MGAT4C: variants seen among roughly 807,000 people sequenced by gnomAD.
MGAT4C encodes the protein alpha-1,3-mannosyl-glycoprotein 4-beta-N-acetylglucosaminyltransferase C.
Under a neutral mutation model 40.1 loss-of-function variants are expected in MGAT4C, and 19 were observed. The observed-to-expected ratio is 0.47, with a 90% CI of 0.33 to 0.70. The LOEUF (loss-of-function observed/expected upper bound fraction) is 0.70, where lower values mean the gene tolerates loss of function less well. Ranked by LOEUF, MGAT4C falls within the 30% of genes least tolerant of loss-of-function variation. The probability of loss-of-function intolerance (pLI) is 0.02; values close to 1 mark genes in which losing one functional copy is unlikely to be tolerated. For missense variants in MGAT4C, 491 were observed against 563.2 expected (o/e 0.87, Z 1.30); for synonymous variants, 181 against 187.1 (o/e 0.97, Z 0.27).
intron 1 of MGAT4C, among the ~76,000 whole-genome samples, chr12:86,100,305 G>A (rs556918115): frequency 1.7e-4 from 25 of 151,100 alleles, no homozygotes; most frequent in Admixed American, 1.6e-3. Flanking sequence ...TTGTTTGATT[G>A]ACCAAGGAAT....
chr12:86,826,072 C>T lies in MGAT4C; in HGVS notation c.-262+12594G>A, dbSNP rs151083474. On this transcript the variant is annotated intron_variant, in intron 1 of 7. Coordinates refer to the MGAT4C transcript ENST00000548651. ...GTGAGTGTATCCAGGACCCAACAAG[C>T]TCCTCACATTATTACTGCATCTACC... Among the ~76,000 whole-genome samples, 66 of 151,444 alleles carry T rather than the reference C, an allele frequency of 4.4e-4. 1 individual carries two copies. Among genetic ancestry groups the T allele is most frequent in the Admixed American group, 1.3e-3 (20 of 15,120 alleles).
chr12:86,119,755 AGT>A (rs1399318890), intron 1 of MGAT4C, among the ~76,000 whole-genome samples: 5 of 133,456 alleles, frequency 3.7e-5, no homozygotes, highest in Non-Finnish European at 7.9e-5. Context: ...TAGAAATAGG[AGT>A]CTTGCTATAT....
intron 2 of MGAT4C, among the ~76,000 whole-genome samples, chr12:86,449,431 A>G (rs1232957782): frequency 1.3e-5 from 2 of 152,182 alleles, no homozygotes; most frequent in Non-Finnish European, 1.5e-5. Context: ...GGTAAAACAC[A>G]TAAGGTAATG....
chr12:86,483,193 A>T (rs1388095747), intron 2 of MGAT4C, among the ~76,000 whole-genome samples: 3 of 152,200 alleles, frequency 2.0e-5, no homozygotes, highest in African/African-American at 7.2e-5. Context: ...AGTCCTGTTC[A>T]TGAGGGTAGT....
chr12:86,536,273 T>A (rs1959066412), intron 2 of MGAT4C, among the ~76,000 whole-genome samples: 1 of 152,136 alleles, frequency 6.6e-6, no homozygotes. Flanking sequence ...ATTATTTACA[T>A]AATATGAATT....
rs560424285 is a variant in MGAT4C at position 86,782,745 on chromosome 12, T to C, written c.-261-55504A>G. Among the ~76,000 whole-genome samples the C allele has an allele frequency of 2.6e-5, 4 of 151,996 alleles. No individual in the cohort carries two copies. In the South Asian group the frequency reaches 8.3e-4, roughly 32 times the overall value. The stretch of plus-strand genomic sequence containing the variant: ...TTAATCCAGTAGAACTGGTGTCCTT[T>C]AAAAAAAGAAAGAGATACCAATGAT... On this transcript the variant is annotated intron_variant, in intron 1 of 7. Transcript: ENST00000548651.
chr12:86,652,161 T>C (rs1043117717), intron 2 of MGAT4C, among the ~76,000 whole-genome samples: 2 of 151,858 alleles, frequency 1.3e-5, no homozygotes, highest in Admixed American at 1.3e-4. Context: ...CTTGAAATAA[T>C]CATAATCATA....
At chr12:86,642,771 T>G (rs549687047) in intron 2 of MGAT4C, among the ~76,000 whole-genome samples, 1 of 151,678 alleles carries the variant, frequency 6.6e-6, no homozygotes, top group African/African-American at 2.4e-5. Flanking sequence ...TATTTTTATG[T>G]TTTTCATAAA....
At chr12:86,635,741 A>G (rs1261228258) in intron 2 of MGAT4C, among the ~76,000 whole-genome samples, 1 of 151,496 alleles carries the variant, frequency 6.6e-6, no homozygotes, top group African/African-American at 2.4e-5. Context: ...CGGTGGTGCA[A>G]TCATAGCTCA....
At chr12:86,599,601 A>G (rs567026502) in intron 2 of MGAT4C, 1 of 152,300 alleles carries the variant, frequency 6.6e-6, no homozygotes, top group South Asian at 2.1e-4. Flanking sequence ...TTTACAGTCT[A>G]AAGTATCACA....
chr12:86,386,558 G>A (rs544847368), intron 3 of MGAT4C, among the ~76,000 whole-genome samples: 32 of 152,220 alleles, frequency 2.1e-4, no homozygotes, highest in African/African-American at 6.7e-4. Flanking sequence ...CCAGTGGCAC[G>A]TTGGAAAACA....
chr12:86,667,359 T>C (rs2136558339), intron 2 of MGAT4C, among the ~76,000 whole-genome samples: 1 of 152,290 alleles, frequency 6.6e-6, no homozygotes, highest in Non-Finnish European at 1.5e-5. Flanking sequence ...GGCTAACATG[T>C]AAACGTTTCA....
chr12:86,620,779 T>G (rs1370106711), intron 2 of MGAT4C, among the ~76,000 whole-genome samples: 1 of 152,106 alleles, frequency 6.6e-6, no homozygotes, highest in East Asian at 1.9e-4. Flanking sequence ...GGAGGCAGAT[T>G]TTTCCCTTAT....
chr12:86,256,285 G>C lies in MGAT4C; in HGVS notation c.-103C>G, dbSNP rs1026734773. The C allele has an allele frequency of 5.9e-5, 9 of 152,132 alleles. No individual in the cohort carries two copies. The highest frequency in any genetic ancestry group is 2.2e-4 in the African/African-American group (9 of 41,440). The allele number at this position is 152,132 out of a possible 1,614,324, so 9.4% of individuals were successfully genotyped here. On this transcript the variant is annotated 5_prime_UTR_variant, in exon 1 of 5. Transcript: ENST00000611864. ...GTTCAGCTAGATCCAACAGTGCTCT[G>C]TGCAGCCTGGAAGCATGAGTGATCC... is the stretch of plus-strand genomic sequence containing the variant.
chr12:86,438,910 G>C (rs1484601904), intron 2 of MGAT4C, among the ~76,000 whole-genome samples: 3 of 151,704 alleles, frequency 2.0e-5, no homozygotes, highest in African/African-American at 7.3e-5. Flanking sequence ...ATGATAAAAG[G>C]ATAATCCAAC....
chr12:86,295,659 G>A (rs1364901575), intron 4 of MGAT4C, among the ~76,000 whole-genome samples: 2 of 152,128 alleles, frequency 1.3e-5, no homozygotes, highest in African/African-American at 4.8e-5. Flanking sequence ...CCTGCTGATT[G>A]GTAGAGCCGA....
At chr12:86,722,024 T>C (rs1192243287) in intron 2 of MGAT4C, among the ~76,000 whole-genome samples, 7 of 152,096 alleles carry the variant, frequency 4.6e-5, no homozygotes, top group African/African-American at 1.7e-4. Flanking sequence ...AGCTCTTACA[T>C]CCTAGATTAA....
At chr12:86,131,896 G>T (rs956469947) in intron 1 of MGAT4C, among the ~76,000 whole-genome samples, 10 of 152,142 alleles carry the variant, frequency 6.6e-5, no homozygotes, top group South Asian at 4.1e-4. Flanking sequence ...ATAAACTATT[G>T]TGTGGCCCAT....
At position 86,695,229 on chromosome 12, in the gene MGAT4C, T is replaced by C. The variant is rs540741966; in HGVS notation, c.-229+31980A>G. Reference sequence around the variant, plus strand: ...AAAACTACAGTAAGTTATCATCTCATCCCGGTTAAAATGGCTTTTGTCCAA... The same window carrying C: ...AAAACTACAGTAAGTTATCATCTCACCCCGGTTAAAATGGCTTTTGTCCAA... On this transcript the variant is annotated intron_variant, in intron 2 of 7. Coordinates refer to the MGAT4C transcript ENST00000548651. Among the ~76,000 whole-genome samples, 3 of 152,242 alleles carry C rather than the reference T, an allele frequency of 2.0e-5. No homozygotes were observed. The South Asian group carries it at 6.2e-4, about 32-fold the overall frequency.
Sources: allele counts gnomAD v4.1 joint callset (sites outside exome capture counted in the v4.1 genomes callset), GRCh38; gene constraint gnomAD v4.1.1; transcripts MANE v1.5; gene names NCBI Gene and HGNC (gene_info 2026-07-23, HGNC 2026-07-21).